Variants in KIF13A observed in about 807,000 individuals in gnomAD.
KIF13A encodes the protein kinesin-like protein KIF13A.
A neutral mutation model predicts 212.2 loss-of-function variants in KIF13A; 79 were observed. The observed-to-expected ratio is 0.37, with a 90% CI of 0.31 to 0.45. KIF13A has a LOEUF of 0.45. KIF13A is among the 20% of genes least tolerant of loss of function. The pLI is 1.00. For synonymous variants in KIF13A, 789 were observed against 808.6 expected, an observed-to-expected ratio of 0.98 and a Z score of 0.41; for missense variants, 1,901 against 2,209.0, an observed-to-expected ratio of 0.86 and a Z score of 2.79.
In KIF13A at chr6:17,971,546, C is replaced by A. The variant is rs910342083; in HGVS notation, c.146+15508G>T. ...AAGTGATCCTCCCATTTCAGCCCTGCAAGTAGCTGGGACTACAAGTGAGCA... is the reference window on the plus strand; with the variant it reads ...AAGTGATCCTCCCATTTCAGCCCTGAAAGTAGCTGGGACTACAAGTGAGCA... On this transcript the variant is annotated intron_variant, in intron 2 of 38. Transcript: ENST00000259711. The surrounding 1 kb of genome is among the most constrained non-coding windows in gnomAD (Gnocchi z 4.2). 6.6e-6 allele frequency among the ~76,000 whole-genome samples: 1 copy of A among 152,022 alleles called. No homozygotes were observed. Among genetic ancestry groups the A allele is most frequent in the Admixed American group, 6.6e-5 (1 of 15,254 alleles).
At position 17,779,699 on chromosome 6, in the gene KIF13A, A is replaced by G. The variant is rs754596268; in HGVS notation, c.3847-15T>C. On this transcript the variant is annotated splice_polypyrimidine_tract_variant and intron_variant, in intron 31 of 38. Coordinates refer to ENST00000259711, the MANE Select transcript of KIF13A (RefSeq NM_022113.6). ...TGCGTGAAACTCTAGTAGAAAAAAA[A>G]AAAAGCTGTATTAAGCTATGTGACA... is the stretch of plus-strand genomic sequence containing the variant. 8.4e-7 allele frequency: 1 copy of G among 1,187,984 alleles called. No homozygotes were observed. Among genetic ancestry groups the G allele is most frequent in the Non-Finnish European group, 1.2e-6 (1 of 818,964 alleles). 73.6% of individuals were successfully genotyped at this position (1,187,984 alleles called of 1,614,324 possible). A position where few individuals can be genotyped will look rare whatever the true frequency, so the allele number is the denominator to read the frequency against.
At position 17,839,496 on chromosome 6, in the gene KIF13A, AC is replaced by A. The variant is rs1766303697; in HGVS notation, c.831-1914del. The stretch of plus-strand genomic sequence containing the variant: ...AATAAGTTCAGATACATGTATCACA[AC>A]AACTACAACACGGATGAACCCTGGC... On this transcript the variant is annotated intron_variant, in intron 9 of 38. Transcript: ENST00000259711. This position sits in a 1 kb window ranked among gnomAD's most constrained non-coding sequence, Gnocchi z 4.3. 6.6e-6 allele frequency among the ~76,000 whole-genome samples: 1 copy of A among 152,226 alleles called. No homozygotes were observed. The highest frequency in any genetic ancestry group is 1.5e-5 in the Non-Finnish European group (1 of 68,042).
Position 17,819,736 on chromosome 6 carries a change from T to C in KIF13A, c.1787-2503A>G, listed in dbSNP as rs188245451. Reference sequence around the variant, plus strand: ...AACTCCTATAACTTCTAAAAAAATATGAGAAATATGGTAAAATTTTTTTGA... The same window carrying C: ...AACTCCTATAACTTCTAAAAAAATACGAGAAATATGGTAAAATTTTTTTGA... On this transcript the variant is annotated intron_variant, in intron 16 of 38. Transcript: ENST00000259711. Among the ~76,000 whole-genome samples, 3 of 152,246 alleles carry C rather than the reference T, an allele frequency of 2.0e-5. No homozygotes were observed. In the South Asian group the frequency reaches 6.2e-4, roughly 32 times the overall value.
chr6:17,842,662 G>T (rs1361537696), intron 9 of KIF13A, among the ~76,000 whole-genome samples: 3 of 152,152 alleles, frequency 2.0e-5, no homozygotes, highest in Non-Finnish European at 4.4e-5. Context: ...TGGAGAGGAA[G>T]TAAGTCTTAA....
intron 12 of KIF13A, among the ~76,000 whole-genome samples, chr6:17,833,512 A>G (rs2150375434): frequency 6.6e-6 from 1 of 151,122 alleles, no homozygotes; most frequent in South Asian, 2.1e-4. Context: ...AAAAAAAAAA[A>G]AAAAAAAGTG....
At position 17,773,686 on chromosome 6, in the gene KIF13A, C is replaced by A; in HGVS notation, c.4219-103G>T. 1 of 545,760 alleles carries A rather than the reference C, an allele frequency of 1.8e-6. No individual in the cohort carries two copies. The highest frequency in any genetic ancestry group is 3.2e-6 in the Non-Finnish European group (1 of 309,264). The allele number at this position is 545,760 out of a possible 1,614,324, so 33.8% of individuals were successfully genotyped here. On this transcript the variant is annotated intron_variant, in intron 35 of 38. Coordinates refer to ENST00000259711, the MANE Select transcript of KIF13A (RefSeq NM_022113.6). This position sits in a 1 kb window ranked among gnomAD's most constrained non-coding sequence, Gnocchi z 4.2. ...TGTTTTTTTTTAATGGCAGCATATG[C>A]TCTTCTTTATTTTTATTATGATTTA... is the stretch of plus-strand genomic sequence containing the variant.
rs191060438 is a variant in KIF13A at position 17,966,190 on chromosome 6, T to A, written c.146+20864A>T. Among the ~76,000 whole-genome samples the A allele has an allele frequency of 3.3e-5, 5 of 152,234 alleles. No individual in the cohort carries two copies. In the East Asian group the frequency reaches 9.7e-4, roughly 29 times the overall value. Reference sequence around the variant, plus strand: ...GCCTGGGTGACAGAGTGAGATTCTGTCTCAAAACAAACCAAAAGTAAGGCT... The same window carrying A: ...GCCTGGGTGACAGAGTGAGATTCTGACTCAAAACAAACCAAAAGTAAGGCT... On this transcript the variant is annotated intron_variant, in intron 2 of 38. Transcript: ENST00000259711.
intron 2 of KIF13A, among the ~76,000 whole-genome samples, chr6:17,909,115 A>T (rs1473002101): frequency 6.6e-6 from 1 of 152,264 alleles, no homozygotes; most frequent in African/African-American, 2.4e-5. Context: ...TTGTTACAAC[A>T]AATAGTCCTC....
intron 3 of KIF13A, among the ~76,000 whole-genome samples, chr6:17,890,961 A>G (rs1243159721): frequency 6.6e-6 from 1 of 151,996 alleles, no homozygotes; most frequent in Non-Finnish European, 1.5e-5. Flanking sequence ...CACCCAGTCG[A>G]ATTTCCCTAA....
At chr6:17,815,485 C>T (rs6920106) in intron 17 of KIF13A, 78,516 of 190,802 alleles carry the variant, frequency 0.41, 17,257 homozygotes, top group East Asian at 0.6. Context: ...AGGTAATGGG[C>T]GCCTTCTCAG....
intron 12 of KIF13A, among the ~76,000 whole-genome samples, chr6:17,833,313 A>G (rs1474011543): frequency 1.3e-5 from 2 of 149,070 alleles, no homozygotes; most frequent in Non-Finnish European, 3.0e-5. Flanking sequence ...GGGCAACAAA[A>G]TAAGACCACA....
intron 3 of KIF13A, among the ~76,000 whole-genome samples, chr6:17,893,664 T>G (rs1772270674): frequency 1.3e-5 from 2 of 152,172 alleles, no homozygotes; most frequent in Admixed American, 1.3e-4. Context: ...ATTCCCCATT[T>G]TAGGCAGAAA....
intron 2 of KIF13A, among the ~76,000 whole-genome samples, chr6:17,910,596 CA>C (rs1373750889): frequency 6.6e-6 from 1 of 152,024 alleles, no homozygotes; most frequent in Admixed American, 6.5e-5. Context: ...TAGTTTTTGT[CA>C]AAAAATTTTT....
At chr6:17,832,704 C>T (rs1056611765) in intron 12 of KIF13A, among the ~76,000 whole-genome samples, 6 of 151,432 alleles carry the variant, frequency 4.0e-5, no homozygotes, top group Admixed American at 4.0e-4. Context: ...CATGCTTTGC[C>T]AGGTGATCTA....
rs1056453320 is a variant in KIF13A at position 17,795,346 on chromosome 6, G to A, written c.2943-642C>T. On this transcript the variant is annotated intron_variant, in intron 23 of 38. Transcript: ENST00000259711. Reference sequence around the variant, plus strand: ...GCTTGTAATTCCAGCACTTTGGAAGGCCAAGGCGGGTGGATCACCTGAGGT... The same window carrying A: ...GCTTGTAATTCCAGCACTTTGGAAGACCAAGGCGGGTGGATCACCTGAGGT... Among the ~76,000 whole-genome samples the A allele has an allele frequency of 1.8e-4, 27 of 151,744 alleles. 1 individual carries two copies. The highest frequency in any genetic ancestry group is 6.5e-4 in the African/African-American group (27 of 41,278).
At position 17,789,859 on chromosome 6, in the gene KIF13A, G is replaced by A. The variant is rs1450872447; in HGVS notation, c.3261+13C>T. 1 of 1,608,466 alleles carries A rather than the reference G, an allele frequency of 6.2e-7. No homozygotes were observed. The highest frequency in any genetic ancestry group is 8.5e-7 in the Non-Finnish European group (1 of 1,175,486). On this transcript the variant is annotated intron_variant, in intron 26 of 38. Transcript: ENST00000259711. The surrounding 1 kb of genome is among the most constrained non-coding windows in gnomAD (Gnocchi z 4.8). ...TGTGCCCCATGCCACAGGATTGACA[G>A]CAGTAGCAATACCTGATAACTATCC...
intron 38 of KIF13A, among the ~76,000 whole-genome samples, chr6:17,765,996 C>T (rs1049916524): frequency 6.6e-6 from 1 of 152,144 alleles, no homozygotes; most frequent in Non-Finnish European, 1.5e-5. Flanking sequence ...TACAACTTTG[C>T]GTCCTTGCTC....
intron 17 of KIF13A, chr6:17,812,611 C>T (rs1763525812): frequency 1.3e-5 from 2 of 152,128 alleles, no homozygotes; most frequent in African/African-American, 4.8e-5. Flanking sequence ...CATGTCTTTC[C>T]TATTGTGAAT....
chr6:17,784,886 C>T (rs1291482499), intron 28 of KIF13A, among the ~76,000 whole-genome samples: 1 of 152,100 alleles, frequency 6.6e-6, no homozygotes, highest in African/African-American at 2.4e-5. Context: ...ATTACTTTTC[C>T]CTTTATCATT....
Sources: allele counts gnomAD v4.1 joint callset (sites outside exome capture counted in the v4.1 genomes callset), GRCh38; gene constraint gnomAD v4.1.1; non-coding constraint Gnocchi (gnomAD v3.1); transcripts MANE v1.5; gene names NCBI Gene and HGNC (gene_info 2026-07-23, HGNC 2026-07-21).